Variants in BCAR3 observed in about 807,000 individuals in gnomAD.
The protein encoded by BCAR3 is BCAR3 adaptor protein, NSP family member.
In BCAR3, 37 loss-of-function variants were observed where a neutral mutation model predicts 80.1. The ratio of observed to expected loss-of-function variants is 0.46; its 90% CI spans 0.36 to 0.61. BCAR3 has a LOEUF of 0.61. Ranked by LOEUF, BCAR3 falls within the 20% of genes least tolerant of loss-of-function variation. The pLI is 0.00. For synonymous variants in BCAR3, 389 were observed against 418.9 expected, an observed-to-expected ratio of 0.93 and a Z score of 0.87; for missense variants, 978 against 1,068.2, an observed-to-expected ratio of 0.92 and a Z score of 1.18.
At chr1:93,576,856 C>G (rs1447376213) in intron 7 of BCAR3, among the ~76,000 whole-genome samples, 1 of 152,190 alleles carries the variant, frequency 6.6e-6, no homozygotes, top group Non-Finnish European at 1.5e-5. Flanking sequence ...CAGTGTGTCT[C>G]TAAAATGGGG....
chr1:93,776,581 G>GCT (rs1358602815), intron 2 of BCAR3, among the ~76,000 whole-genome samples: 1 of 152,122 alleles, frequency 6.6e-6, no homozygotes, highest in East Asian at 1.9e-4. Context: ...AATTTACAGA[G>GCT]CTCTCTCCTG....
At chr1:93,707,971 T>C (rs1649882198) in intron 2 of BCAR3, among the ~76,000 whole-genome samples, 5 of 151,988 alleles carry the variant, frequency 3.3e-5, no homozygotes. Context: ...GTAAAAGCAA[T>C]GGATCTGACA....
chr1:93,567,220 T>G (rs192722120), intron 11 of BCAR3, 59 bp downstream of exon 11: 7 of 1,575,356 alleles, frequency 4.4e-6, no homozygotes, highest in African/African-American at 1.4e-5. Flanking sequence ...TGCTCTTCCA[T>G]TCCTTCATTT....
intron 11 of BCAR3, among the ~76,000 whole-genome samples, chr1:93,563,984 G>A (rs1406912190): frequency 1.3e-5 from 2 of 152,072 alleles, no homozygotes; most frequent in Non-Finnish European, 1.5e-5. Flanking sequence ...ATTAGCCACC[G>A]TGCCTGGCCT....
intron 3 of BCAR3, among the ~76,000 whole-genome samples, chr1:93,688,843 G>A (rs1209486876): frequency 6.6e-6 from 1 of 151,918 alleles, no homozygotes; most frequent in African/African-American, 2.4e-5. Context: ...CACCACGTTG[G>A]CCAGGCTGCT....
At chr1:93,670,350 C>A (rs1648143933) in intron 2 of BCAR3, among the ~76,000 whole-genome samples, 1 of 152,166 alleles carries the variant, frequency 6.6e-6, no homozygotes, top group Non-Finnish European at 1.5e-5. Context: ...GAGATACAGT[C>A]ACCAAAAGAG....
At chr1:93,607,937 T>A (rs1338216022) in intron 3 of BCAR3, among the ~76,000 whole-genome samples, 1 of 152,122 alleles carries the variant, frequency 6.6e-6, no homozygotes, top group East Asian at 1.9e-4. Context: ...ACCTCTGTCT[T>A]CCCCCTCCTA....
Position 93,610,839 on chromosome 1 carries a change from C to T in BCAR3, c.358-18446G>A, listed in dbSNP as rs559068465. On this transcript the variant is annotated intron_variant, in intron 3 of 11. Transcript: ENST00000260502. ...GTGGGTGCCTGTAATCCCAGCTACT[C>T]AGGAGGCTGAGACAGGAGAAGGCGG... 1.2e-4 allele frequency among the ~76,000 whole-genome samples: 18 copies of T among 151,872 alleles called. No individual in the cohort carries two copies. The East Asian group carries it at 3.3e-3, about 28-fold the overall frequency.
chr1:93,749,601 A>G (rs890198225), intron 2 of BCAR3, among the ~76,000 whole-genome samples: 1 of 151,780 alleles, frequency 6.6e-6, no homozygotes, highest in East Asian at 1.9e-4. Context: ...AAAAAAAAAA[A>G]AAAGAAAAGA....
intron 2 of BCAR3, among the ~76,000 whole-genome samples, chr1:93,721,881 A>C (rs1338763135): frequency 7.9e-5 from 12 of 152,240 alleles, no homozygotes; most frequent in Non-Finnish European, 1.8e-4. Flanking sequence ...GGAGATTGCC[A>C]GAGTGCCTAC....
At chr1:93,584,995 CAA>C (rs1673884423) in intron 5 of BCAR3, 2 of 985,238 alleles carry the variant, frequency 2.0e-6, no homozygotes, top group South Asian at 4.7e-5. Flanking sequence ...AAAGAAAAAA[CAA>C]ATCAAAAAAC....
chr1:93,793,371 GT>G, intron 2 of BCAR3, among the ~76,000 whole-genome samples: 1 of 38,452 alleles, frequency 2.6e-5, no homozygotes, highest in Non-Finnish European at 4.1e-5. Context: ...CTTCTTCCTG[GT>G]TTAGTCTTGG....
At chr1:93,672,988 C>G (rs1361520514) in intron 2 of BCAR3, among the ~76,000 whole-genome samples, 1 of 152,192 alleles carries the variant, frequency 6.6e-6, no homozygotes, top group African/African-American at 2.4e-5. Flanking sequence ...TTCAAACATG[C>G]CAAACTTGCT....
intron 2 of BCAR3, among the ~76,000 whole-genome samples, chr1:93,801,696 ACGCCT>A (rs1335821261): frequency 1.3e-5 from 2 of 152,204 alleles, no homozygotes; most frequent in East Asian, 3.9e-4. Flanking sequence ...GTGGTGGCTC[ACGCCT>A]ATAATCCCAG....
chr1:93,798,258 G>T (rs1278635130), intron 2 of BCAR3, among the ~76,000 whole-genome samples: 2 of 152,144 alleles, frequency 1.3e-5, no homozygotes, highest in African/African-American at 2.4e-5. Flanking sequence ...AGTCATATTT[G>T]CTTTTTCCGC....
chr1:93,829,736 T>C (rs1190538034), intron 2 of BCAR3, among the ~76,000 whole-genome samples: 2 of 152,222 alleles, frequency 1.3e-5, no homozygotes, highest in African/African-American at 4.8e-5. Context: ...AGCCTTATGA[T>C]GGTTGAGAAA....
At chr1:93,836,066 A>C (rs1310332467) in intron 2 of BCAR3, among the ~76,000 whole-genome samples, 5 of 152,184 alleles carry the variant, frequency 3.3e-5, no homozygotes, top group African/African-American at 1.2e-4. Context: ...TGGTCTTTTA[A>C]AGACACACCT....
At chr1:93,760,804 C>T (rs933305455) in intron 2 of BCAR3, among the ~76,000 whole-genome samples, 1 of 152,118 alleles carries the variant, frequency 6.6e-6, no homozygotes, top group East Asian at 1.9e-4. Flanking sequence ...CCAGGAGAGA[C>T]TCTGATTGGC....
intron 2 of BCAR3, among the ~76,000 whole-genome samples, chr1:93,709,783 T>A (rs996408381): frequency 2.0e-5 from 3 of 152,220 alleles, no homozygotes; most frequent in African/African-American, 7.2e-5. Context: ...AGTCTTTATC[T>A]GATCAACTCA....
Sources: gnomAD v4.1 joint callset for allele counts (sites outside exome capture counted in the v4.1 genomes callset) on GRCh38, gnomAD v4.1.1 for gene constraint, MANE v1.5 for transcripts, NCBI Gene and HGNC (gene_info 2026-07-23, HGNC 2026-07-21) for gene names.